SLC41A2: variants seen among roughly 807,000 people sequenced by gnomAD.
SLC41A2 encodes the protein SLC41A1-like 1.
A neutral mutation model predicts 58.3 loss-of-function variants in SLC41A2; 32 were observed. The observed-to-expected ratio is 0.55, with a 90% confidence interval of 0.41 to 0.74. SLC41A2 has a LOEUF of 0.74. SLC41A2 is among the 30% of genes least tolerant of loss of function. The pLI, the probability that SLC41A2 is intolerant of heterozygous loss-of-function variation, is 0.00. For synonymous variants in SLC41A2, 190 were observed against 235.0 expected (o/e 0.81, Z 1.75); for missense variants, 514 against 680.6 (o/e 0.76, Z 2.72).
At chr12:104,895,149 T>C (rs919416232) in intron 4 of SLC41A2, 125 bp downstream of exon 4, 4 of 602,448 alleles carry the variant, frequency 6.6e-6, no homozygotes, top group African/African-American at 1.9e-5. Context: ...TACTAAATTA[T>C]TGTTTTGGTG....
chr12:104,868,043 C>T (rs1049067166), intron 6 of SLC41A2, among the ~76,000 whole-genome samples: 2 of 151,786 alleles, frequency 1.3e-5, no homozygotes, highest in Non-Finnish European at 2.9e-5. Context: ...AATAATTATA[C>T]TAATAAAATT....
intron 10 of SLC41A2, 147 bp from the exon 11 acceptor site, chr12:104,805,484 A>G (rs1276564918): frequency 1.7e-6 from 1 of 573,078 alleles, no homozygotes; most frequent in Non-Finnish European, 2.9e-6. Context: ...TACTTAGATG[A>G]CAAGAATACT....
At chr12:104,878,702 C>T (rs1565866013) in intron 6 of SLC41A2, among the ~76,000 whole-genome samples, 1 of 152,110 alleles carries the variant, frequency 6.6e-6, no homozygotes, top group Non-Finnish European at 1.5e-5. Context: ...TTTCTTAATC[C>T]AGTCTATCAT....
intron 6 of SLC41A2, among the ~76,000 whole-genome samples, chr12:104,879,549 G>C (rs1172863779): frequency 6.6e-6 from 1 of 152,180 alleles, no homozygotes; most frequent in Non-Finnish European, 1.5e-5. Flanking sequence ...TTATTGAATA[G>C]GGAATCCTTC....
intron 8 of SLC41A2, among the ~76,000 whole-genome samples, chr12:104,853,911 ATTTTTTTTTTT>A (rs1555202443): frequency 3.4e-5 from 2 of 59,500 alleles, no homozygotes; most frequent in African/African-American, 1.4e-4. Context: ...TGCCTGGCTG[ATTTTTTTTTTT>A]TTTTTTTTTT....
At chr12:104,823,950 C>G (rs980078642) in intron 10 of SLC41A2, among the ~76,000 whole-genome samples, 2 of 152,082 alleles carry the variant, frequency 1.3e-5, no homozygotes, top group Admixed American at 6.5e-5. Flanking sequence ...CATGAGATGA[C>G]AGATATTTTA....
chr12:104,909,695 C>G lies in SLC41A2; in HGVS notation c.623G>C (p.Gly208Ala), dbSNP rs1253960020. ...ILVPALLGLK[G>A]NLEMTLASRL... ...GGATGCCAATGTCATTTCCAAGTTC[C>G]CTTTGAGACCAAGAAGTGCAGGGAC... The change falls in exon 3 of 11, where the codon GGG becomes GCG. Residue 208 changes from glycine (G) to alanine (A), a missense_variant. By Grantham distance (60) the Gly-to-Ala change is moderately conservative. Coordinates refer to ENST00000258538, the MANE Select transcript of SLC41A2 (RefSeq NM_001352171.3). 2 of 1,612,150 alleles carry G rather than the reference C, an allele frequency of 1.2e-6. No individual in the cohort carries two copies. The highest frequency in any genetic ancestry group is 1.7e-6 in the Non-Finnish European group (2 of 1,179,356).
At chr12:104,951,693 G>A (rs1468092311) in intron 1 of SLC41A2, among the ~76,000 whole-genome samples, 1 of 151,698 alleles carries the variant, frequency 6.6e-6, no homozygotes, top group Non-Finnish European at 1.5e-5. Context: ...ATTTTCATTT[G>A]TAAGAACAAA....
At chr12:104,929,967 G>A (rs1017167969) in intron 1 of SLC41A2, among the ~76,000 whole-genome samples, 2 of 152,218 alleles carry the variant, frequency 1.3e-5, no homozygotes, top group African/African-American at 2.4e-5. Flanking sequence ...TATGTAGGAC[G>A]TAAGTGGGTG....
intron 10 of SLC41A2, among the ~76,000 whole-genome samples, chr12:104,809,478 G>T (rs11611207): frequency 0.23 from 35,201 of 152,152 alleles, 5,338 homozygotes; most frequent in Non-Finnish European, 0.34. Context: ...TCAGAGAGAG[G>T]TTGTACTTTA....
At chr12:104,876,511 G>A (rs1030533389) in intron 6 of SLC41A2, among the ~76,000 whole-genome samples, 2 of 151,438 alleles carry the variant, frequency 1.3e-5, no homozygotes, top group Non-Finnish European at 2.9e-5. Flanking sequence ...TTTCTTCTTT[G>A]ACCTCTTGGT....
At position 104,928,435 on chromosome 12, in the gene SLC41A2, G is replaced by T; in HGVS notation, c.93C>A (p.Asn31Lys). ...TTAAAAACTTGTCGGATTGAATTGT[G>T]TTTAAACGTAAAGTCCAATCTACAA... ...GGFVDWTLRL[N>K]TIQSDKFLNL... is the part of the protein sequence containing the mutation. Residue 31 changes from asparagine to lysine, a missense_variant, in exon 2 of 11, where the codon AAC (asparagine) becomes AAA (lysine). This residue lies in a region of SLC41A2 where 336 missense variants were observed against 430.0 expected (regional missense o/e 0.78). Coordinates refer to ENST00000258538, the MANE Select transcript of SLC41A2 (RefSeq NM_001352171.3). 1 of 1,552,410 alleles carries T rather than the reference G, an allele frequency of 6.4e-7. No homozygotes were observed. Among genetic ancestry groups the T allele is most frequent in the Non-Finnish European group, 8.7e-7 (1 of 1,147,200 alleles).
chr12:104,876,944 T>C (rs1437820517), intron 6 of SLC41A2, among the ~76,000 whole-genome samples: 2 of 152,222 alleles, frequency 1.3e-5, no homozygotes, highest in African/African-American at 2.4e-5. Flanking sequence ...CAATTGATCA[T>C]ATATATATTT....
chr12:104,887,681 C>A (rs1357082997), intron 5 of SLC41A2, among the ~76,000 whole-genome samples: 1 of 151,940 alleles, frequency 6.6e-6, no homozygotes, highest in African/African-American at 2.4e-5. Flanking sequence ...ACACATAGTA[C>A]CATCTATATC....
At position 104,844,602 on chromosome 12, in the gene SLC41A2, G is replaced by T; in HGVS notation, c.1406C>A (p.Ala469Asp). The T allele has an allele frequency of 6.5e-7, 1 of 1,538,022 alleles. No individual in the cohort carries two copies. The highest frequency in any genetic ancestry group is 8.7e-7 in the Non-Finnish European group (1 of 1,144,928). Residue 469 changes from alanine to aspartate, a missense_variant, in exon 10 of 11, where the codon GCT becomes GAT. Ala to Asp is a moderately radical substitution (Grantham distance 126). Coordinates refer to ENST00000258538, the MANE Select transcript of SLC41A2 (RefSeq NM_001352171.3). ...AATCACTAAAAGCAGTAGAACTTGA[G>T]CAGACTTATTATTTACTCCTGTAAT... ...FFGPGVNNKS[A>D]QVLLLLVIPG...
Position 104,801,830 on chromosome 12 carries a change from A to G in SLC41A2, c.*3322T>C, listed in dbSNP as rs1369118355. ...GTCAAAGCCCAATTTATTATAATTC[A>G]TAAATATCATATGTATACATAAATT... On this transcript the variant is annotated 3_prime_UTR_variant, in exon 11 of 11. Transcript: ENST00000258538. Among the ~76,000 whole-genome samples the G allele has an allele frequency of 6.6e-6, 1 of 152,234 alleles. No homozygotes were observed. Among genetic ancestry groups the G allele is most frequent in the Non-Finnish European group, 1.5e-5 (1 of 68,050 alleles).
chr12:104,950,937 G>A (rs1411137187), intron 1 of SLC41A2, among the ~76,000 whole-genome samples: 2 of 152,152 alleles, frequency 1.3e-5, no homozygotes, highest in African/African-American at 2.4e-5. Context: ...TGAGGTGGCT[G>A]GGGGAGGGGT....
At chr12:104,944,870 TA>T (rs60609201) in intron 1 of SLC41A2, among the ~76,000 whole-genome samples, 4,145 of 135,858 alleles carry the variant, frequency 0.031, 73 homozygotes, top group African/African-American at 0.059. Flanking sequence ...GTATTCAATG[TA>T]AAAAAAAAAA....
At chr12:104,923,742 T>C (rs1031823780) in intron 2 of SLC41A2, among the ~76,000 whole-genome samples, 3 of 152,058 alleles carry the variant, frequency 2.0e-5, no homozygotes, top group South Asian at 2.1e-4. Flanking sequence ...TCTGGACACA[T>C]ACAACTATTG....
Sources: allele counts gnomAD v4.1 joint callset (sites outside exome capture counted in the v4.1 genomes callset), GRCh38; gene constraint gnomAD v4.1.1; regional missense constraint gnomAD v4.1.1; transcripts MANE v1.5; gene names NCBI Gene and HGNC (gene_info 2026-07-23, HGNC 2026-07-21).